Variants in NAB1 observed in about 807,000 individuals in gnomAD.
NAB1 encodes NGFI-A binding protein 1, also known as NGFI-A-binding protein 1.
NAB1 carries 25 observed loss-of-function variants against 49.9 expected under a neutral mutation model. The ratio of observed to expected loss-of-function variants is 0.50; its 90% CI spans 0.37 to 0.70. The LOEUF (loss-of-function observed/expected upper bound fraction) is 0.70. Among genes scored for constraint, NAB1 ranks in the 30% least tolerant of loss-of-function variants. The pLI, the probability that NAB1 is intolerant of heterozygous loss-of-function variation, is 0.00. For missense variants in NAB1, 489 were observed against 575.9 expected, an observed-to-expected ratio of 0.85 and a Z score of 1.54; for synonymous variants, 198 against 215.6, an observed-to-expected ratio of 0.92 and a Z score of 0.71.
rs368502213 is a variant in NAB1, at chr2:190,691,073, C to T, written c.*740C>T. 1 of 152,450 alleles carries T rather than the reference C, an allele frequency of 6.6e-6. No individual in the cohort carries two copies. Among genetic ancestry groups the T allele is most frequent in the African/African-American group, 2.4e-5 (1 of 41,396 alleles). 9.4% of individuals were successfully genotyped at this position (152,450 alleles called of 1,614,324 possible). ...TTGACCTAGATTGTATTAATAGCTACTTAAGATGTTTCAAAGATAGGAAGC... is the reference window on the plus strand; with the variant it reads ...TTGACCTAGATTGTATTAATAGCTATTTAAGATGTTTCAAAGATAGGAAGC... On this transcript the variant is annotated 3_prime_UTR_variant, in exon 10 of 10. Transcript: ENST00000337386. The surrounding 1 kb of genome is among the most constrained non-coding windows in gnomAD (Gnocchi z 4.1).
chr2:190,666,229 T>A lies in NAB1; in HGVS notation c.820-4097T>A, dbSNP rs550603849. Among the ~76,000 whole-genome samples the A allele has an allele frequency of 6.6e-6, 1 of 152,300 alleles. No individual in the cohort carries two copies. Among genetic ancestry groups the A allele is most frequent in the Non-Finnish European group, 1.5e-5 (1 of 68,006 alleles). On this transcript the variant is annotated intron_variant, in intron 4 of 9. Coordinates refer to ENST00000337386, the MANE Select transcript of NAB1 (RefSeq NM_005966.4). This position sits in a 1 kb window ranked among gnomAD's most constrained non-coding sequence, Gnocchi z 5.6. Reference sequence around the variant, plus strand: ...GTCCTGATTGCCTTTTGAGCCTCCCTATCACACAGTTGTTCACAGTGTTTT... The same window carrying A: ...GTCCTGATTGCCTTTTGAGCCTCCCAATCACACAGTTGTTCACAGTGTTTT...
chr2:190,679,209 C>T lies in NAB1; in HGVS notation c.1006-4529C>T, dbSNP rs1017028134. Among the ~76,000 whole-genome samples, 6 of 152,168 alleles carry T rather than the reference C, an allele frequency of 3.9e-5. No individual in the cohort carries two copies. The highest frequency in any genetic ancestry group is 1.4e-4 in the African/African-American group (6 of 41,422). On this transcript the variant is annotated intron_variant, in intron 6 of 9. Transcript: ENST00000337386. This position sits in a 1 kb window ranked among gnomAD's most constrained non-coding sequence, Gnocchi z 5.3. Reference sequence around the variant, plus strand: ...TGCACCACACATAATGTGAAAGAGACCAGTTTCTTGGGAATGTTCTTACTT... The same window carrying T: ...TGCACCACACATAATGTGAAAGAGATCAGTTTCTTGGGAATGTTCTTACTT...
intron 4 of NAB1, among the ~76,000 whole-genome samples, chr2:190,664,986 G>A (rs1017589759): frequency 2.0e-5 from 3 of 151,940 alleles, no homozygotes; most frequent in African/African-American, 7.3e-5. Flanking sequence ...TCTGGGATTA[G>A]CTTCCTTCTA....
intron 2 of NAB1, chr2:190,653,629 G>A (rs33999198): frequency 0.19 from 28,851 of 152,146 alleles, 3,224 homozygotes; most frequent in East Asian, 0.38. Flanking sequence ...GCATGGAGGG[G>A]AGAAGATGCA....
At position 190,691,620 on chromosome 2, in the gene NAB1, G is replaced by A. The variant is rs1170750908; in HGVS notation, c.*1287G>A. ...AGAATTTCACATTGGAATTCATAAT[G>A]GTAAAACAACATACATCTGCCAATA... is the stretch of plus-strand genomic sequence containing the variant. On this transcript the variant is annotated 3_prime_UTR_variant, in exon 10 of 10. Coordinates refer to ENST00000337386, the MANE Select transcript of NAB1 (RefSeq NM_005966.4). The surrounding 1 kb of genome is among the most constrained non-coding windows in gnomAD (Gnocchi z 4.1). 1.3e-5 allele frequency: 2 copies of A among 152,046 alleles called. No individual in the cohort carries two copies. Among genetic ancestry groups the A allele is most frequent in the African/African-American group, 4.8e-5 (2 of 41,416 alleles). The allele number at this position is 152,046 out of a possible 1,614,324, so 9.4% of individuals were successfully genotyped here.
At chr2:190,688,663 A>C (rs973829013) in intron 9 of NAB1, among the ~76,000 whole-genome samples, 2 of 152,202 alleles carry the variant, frequency 1.3e-5, no homozygotes, top group Non-Finnish European at 2.9e-5. Context: ...GGGCATATTT[A>C]CATATTTCAT....
rs1388240851 is a variant in NAB1 at position 190,670,789 on chromosome 2, C to A, written c.953+330C>A. On this transcript the variant is annotated intron_variant, in intron 5 of 9. Transcript: ENST00000337386. This position sits in a 1 kb window ranked among gnomAD's most constrained non-coding sequence, Gnocchi z 5.3. ...CAGCATTTATAGACGTATTTGTACA[C>A]CCGCTAACTACGTGAACTTGTTGAA... Among the ~76,000 whole-genome samples the A allele has an allele frequency of 1.3e-5, 2 of 152,158 alleles. No individual in the cohort carries two copies. Among genetic ancestry groups the A allele is most frequent in the Non-Finnish European group, 2.9e-5 (2 of 68,030 alleles).
At position 190,679,853 on chromosome 2, in the gene NAB1, T is replaced by A. The variant is rs908402483; in HGVS notation, c.1006-3885T>A. ...CACTCAGATTCTGCTGATGAACTGA[T>A]AACCCTCTAATCTGGGTCTCCAGCC... On this transcript the variant is annotated intron_variant, in intron 6 of 9. Coordinates refer to ENST00000337386, the MANE Select transcript of NAB1 (RefSeq NM_005966.4). The surrounding 1 kb of genome is among the most constrained non-coding windows in gnomAD (Gnocchi z 5.3). Among the ~76,000 whole-genome samples, 9 of 152,192 alleles carry A rather than the reference T, an allele frequency of 5.9e-5. No homozygotes were observed. Among genetic ancestry groups the A allele is most frequent in the African/African-American group, 2.2e-4 (9 of 41,442 alleles).
intron 6 of NAB1, 91 bp downstream of exon 6, chr2:190,673,243 T>A: frequency 1.6e-6 from 2 of 1,231,732 alleles, no homozygotes; most frequent in Non-Finnish European, 2.4e-6. Context: ...ACAAAAAAGA[T>A]GGTCCCATAA....
In NAB1 at chr2:190,685,531, A is replaced by G. The variant is rs766230360; in HGVS notation, c.1151A>G (p.Tyr384Cys). The change falls in exon 8 of 10, where the codon TAT becomes TGT. Residue 384 changes from tyrosine to cysteine, a missense_variant. Transcript: ENST00000337386. The surrounding 1 kb of genome is among the most constrained non-coding windows in gnomAD (Gnocchi z 4.5). ...GAGTTCCTTTGCAACCAAGCTGGCT[A>G]TGAGAGACTGCAGCATGCCGAGAGG... ...QMEFLCNQAG[Y>C]ERLQHAERRL... 6.2e-7 allele frequency: 1 copy of G among 1,614,024 alleles called. No homozygotes were observed. The highest frequency in any genetic ancestry group is 8.5e-7 in the Non-Finnish European group (1 of 1,179,982).
chr2:190,682,454 G>A lies in NAB1; in HGVS notation c.1006-1284G>A, dbSNP rs555032882. On this transcript the variant is annotated intron_variant, in intron 6 of 9. Coordinates refer to ENST00000337386, the MANE Select transcript of NAB1 (RefSeq NM_005966.4). The surrounding 1 kb of genome is among the most constrained non-coding windows in gnomAD (Gnocchi z 4.1). ...CATAGGTTATGATAAAGGTGAAATC[G>A]CAAGCCAACATGAAGGAATCCTTGA... is the stretch of plus-strand genomic sequence containing the variant. Among the ~76,000 whole-genome samples the A allele has an allele frequency of 1.3e-5, 2 of 152,212 alleles. No homozygotes were observed. Among genetic ancestry groups the A allele is most frequent in the South Asian group, 2.1e-4 (1 of 4,824 alleles).
Position 190,685,758 on chromosome 2 carries a change from T to C in NAB1, c.1258+120T>C. Reference sequence around the variant, plus strand: ...GTAGAGATTATTTTACAGGTTCTCTTATCAAAATTATTTTTTGAATTCTTC... The same window carrying C: ...GTAGAGATTATTTTACAGGTTCTCTCATCAAAATTATTTTTTGAATTCTTC... On this transcript the variant is annotated intron_variant, in intron 8 of 9. Coordinates refer to ENST00000337386, the MANE Select transcript of NAB1 (RefSeq NM_005966.4). This position sits in a 1 kb window ranked among gnomAD's most constrained non-coding sequence, Gnocchi z 4.5. The C allele has an allele frequency of 1.3e-6, 1 of 785,026 alleles. No individual in the cohort carries two copies. Among genetic ancestry groups the C allele is most frequent in the Middle Eastern group, 3.4e-4 (1 of 2,936 alleles). 48.6% of individuals were successfully genotyped at this position (785,026 alleles called of 1,614,324 possible).
chr2:190,678,701 G>T lies in NAB1; in HGVS notation c.1006-5037G>T, dbSNP rs982541619. Among the ~76,000 whole-genome samples the T allele has an allele frequency of 1.3e-5, 2 of 152,088 alleles. No homozygotes were observed. Among genetic ancestry groups the T allele is most frequent in the South Asian group, 2.1e-4 (1 of 4,824 alleles). On this transcript the variant is annotated intron_variant, in intron 6 of 9. Transcript: ENST00000337386. The surrounding 1 kb of genome is among the most constrained non-coding windows in gnomAD (Gnocchi z 4.9). ...AGGTGGGGGTGGGAGAGCAAGGAAG[G>T]GGGAGGAAAGAGGTTCAGAATATCC...
intron 9 of NAB1, among the ~76,000 whole-genome samples, chr2:190,688,296 T>C (rs1246312830): frequency 6.6e-6 from 1 of 152,256 alleles, no homozygotes; most frequent in African/African-American, 2.4e-5. Flanking sequence ...GAATGAATTA[T>C]GTATTTACTA....
intron 9 of NAB1, among the ~76,000 whole-genome samples, chr2:190,688,792 C>CTTCCTTTCTTTCCTTTCTTTTCT (rs369018955): frequency 0.017 from 2,606 of 149,204 alleles, 75 homozygotes; most frequent in African/African-American, 0.061. Flanking sequence ...CCTTTCTTTC[C>CTTCCTTTCTTTCCTTTCTTTTCT]TTCCTTTCTT....
rs748260172 is a variant in NAB1 at position 190,682,304 on chromosome 2, G to C, written c.1006-1434G>C. ...GTCCTCACAACAATCCTAATAGATA[G>C]GTTCTCCTATCCTCAATTTTCCTGT... On this transcript the variant is annotated intron_variant, in intron 6 of 9. Transcript: ENST00000337386. The surrounding 1 kb of genome is among the most constrained non-coding windows in gnomAD (Gnocchi z 4.1). Among the ~76,000 whole-genome samples the C allele has an allele frequency of 6.6e-6, 1 of 152,154 alleles. No homozygotes were observed. The highest frequency in any genetic ancestry group is 1.5e-5 in the Non-Finnish European group (1 of 68,026).
rs561605872 is a variant in NAB1, at chr2:190,687,117, A to C, written c.1259-84A>C. 45 of 683,960 alleles carry C rather than the reference A, an allele frequency of 6.6e-5. No individual in the cohort carries two copies. The East Asian group carries it at 1.4e-3, about 22-fold the overall frequency. 42.4% of individuals were successfully genotyped at this position (683,960 alleles called of 1,614,324 possible). ...GTTGACTCTCCTCACTTTTTTCCTAAGGAGTGTTCAGGCAAAATTTATTTT... is the reference window on the plus strand; with the variant it reads ...GTTGACTCTCCTCACTTTTTTCCTACGGAGTGTTCAGGCAAAATTTATTTT... On this transcript the variant is annotated intron_variant, in intron 8 of 9. Transcript: ENST00000337386.
At position 190,685,985 on chromosome 2, in the gene NAB1, T is replaced by A. The variant is rs960294322; in HGVS notation, c.1258+347T>A. ...TTTTTAAATGACCAAAACTTCATAT[T>A]TTTTTAGACTTCAAAAACAAGTTTG... On this transcript the variant is annotated intron_variant, in intron 8 of 9. Transcript: ENST00000337386. This position sits in a 1 kb window ranked among gnomAD's most constrained non-coding sequence, Gnocchi z 4.5. Among the ~76,000 whole-genome samples the A allele has an allele frequency of 2.4e-5, 3 of 123,348 alleles. No homozygotes were observed. Among genetic ancestry groups the A allele is most frequent in the African/African-American group, 1.3e-4 (3 of 23,612 alleles). 80.9% of individuals were successfully genotyped at this position (123,348 alleles called of 152,430 possible).
Position 190,674,407 on chromosome 2 carries a change from A to G in NAB1, c.1005+1255A>G, listed in dbSNP as rs550740285. ...TCAAGTCACAGCCGAGTTTCCCCTG[A>G]CTTCCCTGCCTCCCTTTCTAAAGGG... is the stretch of plus-strand genomic sequence containing the variant. On this transcript the variant is annotated intron_variant, in intron 6 of 9. Transcript: ENST00000337386. This position sits in a 1 kb window ranked among gnomAD's most constrained non-coding sequence, Gnocchi z 5.7. Among the ~76,000 whole-genome samples, 1 of 152,094 alleles carries G rather than the reference A, an allele frequency of 6.6e-6. No homozygotes were observed. Among genetic ancestry groups the G allele is most frequent in the Non-Finnish European group, 1.5e-5 (1 of 68,008 alleles).
Sources: allele counts gnomAD v4.1 joint callset (sites outside exome capture counted in the v4.1 genomes callset), GRCh38; gene constraint gnomAD v4.1.1; non-coding constraint Gnocchi (gnomAD v3.1); transcripts MANE v1.5; gene names NCBI Gene and HGNC (gene_info 2026-07-23, HGNC 2026-07-21).